DLC1: variants seen among roughly 807,000 people sequenced by gnomAD.
DLC1 encodes the protein DLC1 Rho GTPase activating protein, also known as rho GTPase-activating protein 7.
DLC1 carries 54 observed loss-of-function variants against 140.3 expected under a neutral mutation model. That is an observed-to-expected ratio of 0.38 (90% confidence interval 0.31 to 0.48). The LOEUF is 0.48. DLC1 is among the 20% of genes least tolerant of loss of function. The probability of loss-of-function intolerance (pLI) is 0.96; values close to 1 mark genes in which losing one functional copy is unlikely to be tolerated. For missense variants in DLC1, 2,536 were observed against 1,907.0 expected (o/e 1.33, Z -6.14); for synonymous variants, 986 against 728.1 (o/e 1.35, Z -5.70).
intron 1 of DLC1, among the ~76,000 whole-genome samples, chr8:13,602,073 C>G (rs1406129187): frequency 6.6e-6 from 1 of 151,790 alleles, no homozygotes; most frequent in African/African-American, 2.4e-5. Context: ...CCCAGCCAAA[C>G]ATAAATCATG....
At chr8:13,439,228 G>A (rs1334580366) in intron 2 of DLC1, among the ~76,000 whole-genome samples, 1 of 152,150 alleles carries the variant, frequency 6.6e-6, no homozygotes, top group Non-Finnish European at 1.5e-5. Flanking sequence ...GTAGGCTGAA[G>A]CAGGAGAATC....
At chr8:13,184,226 C>G (rs1035018317) in intron 5 of DLC1, among the ~76,000 whole-genome samples, 1 of 152,034 alleles carries the variant, frequency 6.6e-6, no homozygotes, top group Non-Finnish European at 1.5e-5. Context: ...ATTAGTCTTG[C>G]TAGCTGTCTA....
chr8:13,126,034 T>G (rs778986384), intron 5 of DLC1, among the ~76,000 whole-genome samples: 1 of 152,006 alleles, frequency 6.6e-6, no homozygotes, highest in Non-Finnish European at 1.5e-5. Context: ...GTACTCCTTT[T>G]AACACATAAA....
intron 3 of DLC1, among the ~76,000 whole-genome samples, chr8:13,394,218 C>A (rs1836910501): frequency 6.6e-6 from 1 of 152,174 alleles, no homozygotes; most frequent in Non-Finnish European, 1.5e-5. Context: ...GCTGAAATGT[C>A]TATCTAATAA....
At chr8:13,227,541 A>G (rs1361790421) in intron 5 of DLC1, among the ~76,000 whole-genome samples, 1 of 152,156 alleles carries the variant, frequency 6.6e-6, no homozygotes, top group Non-Finnish European at 1.5e-5. Flanking sequence ...GATATAGGCT[A>G]TCTCCATGCA....
intron 1 of DLC1, among the ~76,000 whole-genome samples, chr8:13,534,926 C>A (rs997105894): frequency 3.3e-5 from 5 of 151,944 alleles, no homozygotes; most frequent in African/African-American, 7.3e-5. Context: ...GGCCCACACT[C>A]CTCTAACTGA....
At chr8:13,088,339 C>T in intron 16 of DLC1, 148 bp downstream of exon 16, 2 of 950,016 alleles carry the variant, frequency 2.1e-6, no homozygotes, top group Non-Finnish European at 3.1e-6. Context: ...ACCTTGGCCT[C>T]CCAGAGTGCT....
At chr8:13,104,477 C>T (rs950961974) in intron 7 of DLC1, among the ~76,000 whole-genome samples, 3 of 152,116 alleles carry the variant, frequency 2.0e-5, no homozygotes, top group Non-Finnish European at 4.4e-5. Flanking sequence ...CCCCAATTTT[C>T]CTGCCATCTC....
At chr8:13,158,295 C>T (rs1824409047) in intron 5 of DLC1, among the ~76,000 whole-genome samples, 1 of 151,962 alleles carries the variant, frequency 6.6e-6, no homozygotes. Context: ...GTTCATCTTT[C>T]TACATAATAA....
chr8:13,111,604 T>C (rs1820118174), intron 6 of DLC1, among the ~76,000 whole-genome samples: 1 of 152,100 alleles, frequency 6.6e-6, no homozygotes, highest in Non-Finnish European at 1.5e-5. Flanking sequence ...GGTAAGTAAA[T>C]ATACCCAAGA....
intron 5 of DLC1, among the ~76,000 whole-genome samples, chr8:13,165,720 G>A (rs1325225677): frequency 6.6e-6 from 1 of 152,174 alleles, no homozygotes; most frequent in African/African-American, 2.4e-5. Context: ...ACACCTTCCT[G>A]TATTCCCCTA....
Position 13,211,864 on chromosome 8 carries a change from C to G in DLC1, c.1348+93405G>C, listed in dbSNP as rs148409605. On this transcript the variant is annotated intron_variant, in intron 5 of 17. Coordinates refer to ENST00000276297, the MANE Select transcript of DLC1 (RefSeq NM_182643.3). Reference sequence around the variant, plus strand: ...GAGTAGAGGCTTTTTTGGAAACATACATGAAATCCTGGCAGGTAAAATAAC... The same window carrying G: ...GAGTAGAGGCTTTTTTGGAAACATAGATGAAATCCTGGCAGGTAAAATAAC... Among the ~76,000 whole-genome samples, 1,189 of 152,254 alleles carry G rather than the reference C, an allele frequency of 7.8e-3. 18 individuals carry two copies. Among genetic ancestry groups the G allele is most frequent in the African/African-American group, 0.027 (1,102 of 41,550 alleles).
intron 2 of DLC1, among the ~76,000 whole-genome samples, chr8:13,498,215 G>A (rs1201950090): frequency 1.3e-5 from 2 of 152,140 alleles, no homozygotes; most frequent in African/African-American, 4.8e-5. Flanking sequence ...ACTGTGCTTG[G>A]ACTTATATCA....
chr8:13,569,569 C>T (rs1177851162), intron 1 of DLC1, among the ~76,000 whole-genome samples: 2 of 152,044 alleles, frequency 1.3e-5, no homozygotes, highest in East Asian at 1.9e-4. Flanking sequence ...GGGCATGCTC[C>T]ACCCTTTTAG....
chr8:13,416,067 G>C (rs1288718022), intron 2 of DLC1, among the ~76,000 whole-genome samples: 1 of 152,128 alleles, frequency 6.6e-6, no homozygotes, highest in African/African-American at 2.4e-5. Flanking sequence ...GCTCAGCTGA[G>C]GGTCATTTCT....
In DLC1 at chr8:13,353,183, G is replaced by A. The variant is rs548790599; in HGVS notation, c.1314+40370C>T. On this transcript the variant is annotated intron_variant, in intron 4 of 17. Transcript: ENST00000276297. ...CAGGTTAGAGAAGTTAAACCCAGGT[G>A]AGGCCTGCCCTGCCCATTTCTTGCA... is the stretch of plus-strand genomic sequence containing the variant. Among the ~76,000 whole-genome samples, 391 of 152,298 alleles carry A rather than the reference G, an allele frequency of 2.6e-3. 1 individual carries two copies. Among genetic ancestry groups the A allele is most frequent in the South Asian group, 4.1e-3 (20 of 4,826 alleles).
intron 5 of DLC1, among the ~76,000 whole-genome samples, chr8:13,243,290 CAAAAAA>C (rs56092434): frequency 3.7e-5 from 2 of 54,336 alleles, no homozygotes; most frequent in Admixed American, 2.4e-4. Context: ...GACTCTGTCT[CAAAAAA>C]AAAAAAAAAA....
chr8:13,475,619 C>A (rs1222542598), intron 2 of DLC1, among the ~76,000 whole-genome samples: 2 of 152,180 alleles, frequency 1.3e-5, no homozygotes, highest in African/African-American at 2.4e-5. Context: ...ACATAACTGT[C>A]ACCACAAACT....
intron 2 of DLC1, among the ~76,000 whole-genome samples, chr8:13,460,645 G>A (rs1799615167): frequency 6.6e-6 from 1 of 152,182 alleles, no homozygotes; most frequent in Non-Finnish European, 1.5e-5. Context: ...ACTCTGGGGG[G>A]AAATGATGGT....
Sources: gnomAD v4.1 joint callset for allele counts (sites outside exome capture counted in the v4.1 genomes callset) on GRCh38, gnomAD v4.1.1 for gene constraint, MANE v1.5 for transcripts, NCBI Gene and HGNC (gene_info 2026-07-23, HGNC 2026-07-21) for gene names.